Variants in NF1 observed in about 807,000 individuals in gnomAD.
NF1 encodes the protein neurofibromin.
Under a neutral mutation model 325.7 loss-of-function variants are expected in NF1, and 122 were observed. That is an observed-to-expected ratio of 0.37 (90% confidence interval 0.32 to 0.44). The LOEUF is 0.44. Ranked by LOEUF, NF1 falls within the 20% of genes least tolerant of loss-of-function variation. NF1 has a pLI of 1.00. For synonymous variants in NF1, 1,091 were observed against 1,186.0 expected, an observed-to-expected ratio of 0.92 and a Z score of 1.65; for missense variants, 2,140 against 3,415.4, an observed-to-expected ratio of 0.63 and a Z score of 9.31.
chr17:31,310,311 A>G (rs1032400283), intron 36 of NF1, among the ~76,000 whole-genome samples: 6 of 152,146 alleles, frequency 3.9e-5, no homozygotes, highest in East Asian at 1.9e-4. Context: ...AGGAAGGTCA[A>G]TTGACTAGAG....
chr17:31,271,522 C>T (rs923213647), intron 36 of NF1, among the ~76,000 whole-genome samples: 16 of 152,072 alleles, frequency 1.1e-4, no homozygotes, highest in Non-Finnish European at 1.5e-4. Flanking sequence ...GAAGCCAAGG[C>T]GGGTAGATCC....
At chr17:31,230,455 ATATGCGGT>A in intron 23 of NF1, 73 bp downstream of exon 23, 3 of 1,553,122 alleles carry the variant, frequency 1.9e-6, no homozygotes, top group Non-Finnish European at 2.7e-6. Context: ...AAAAGAGTAG[ATATGCGGT>A]TATTGGTAGA....
intron 57 of NF1, 74 bp downstream of exon 57, chr17:31,360,777 A>C (rs1258425589): frequency 1.4e-5 from 19 of 1,354,080 alleles, no homozygotes; most frequent in Non-Finnish European, 2.0e-5. Context: ...CCTTGTGATC[A>C]GTTTATAGCA....
At chr17:31,170,847 TG>T (rs1196637246) in intron 5 of NF1, among the ~76,000 whole-genome samples, 1 of 152,180 alleles carries the variant, frequency 6.6e-6, no homozygotes, top group East Asian at 1.9e-4. Flanking sequence ...TACAAAAAAA[TG>T]TTTTTTAGTT....
rs17880488 is a variant in NF1, at chr17:31,181,118, C to T, written c.587-304C>T. ...GAGAGGACACAAATGGAAAACAATT[C>T]CATGCTCATGGATAGGAGGAACCAA... is the stretch of plus-strand genomic sequence containing the variant. On this transcript the variant is annotated intron_variant, in intron 5 of 57. Coordinates refer to ENST00000358273, the MANE Select transcript of NF1 (RefSeq NM_001042492.3). 6.8e-3 allele frequency among the ~76,000 whole-genome samples: 1,030 copies of T among 152,270 alleles called. 17 individuals are homozygous for T. Among genetic ancestry groups the T allele is most frequent in the African/African-American group, 0.023 (965 of 41,546 alleles).
intron 57 of NF1, among the ~76,000 whole-genome samples, chr17:31,365,831 T>C (rs910424892): frequency 6.6e-6 from 1 of 152,186 alleles, no homozygotes; most frequent in Non-Finnish European, 1.5e-5. Flanking sequence ...AAAGGGACAT[T>C]TGTGTGGAAG....
intron 4 of NF1, among the ~76,000 whole-genome samples, chr17:31,164,771 A>AT (rs915877955): frequency 2.0e-5 from 3 of 152,172 alleles, no homozygotes; most frequent in Non-Finnish European, 4.4e-5. Context: ...AGGCAGCAAT[A>AT]TTTTTCAACC....
intron 1 of NF1, among the ~76,000 whole-genome samples, chr17:31,151,034 C>CAA (rs111746465): frequency 2.7e-4 from 22 of 80,064 alleles, no homozygotes; most frequent in African/African-American, 8.0e-4. Flanking sequence ...GGCTCTGTCT[C>CAA]AAAAAAAAAA....
intron 16 of NF1, among the ~76,000 whole-genome samples, chr17:31,224,882 T>G (rs947155867): frequency 6.6e-6 from 1 of 152,188 alleles, no homozygotes; most frequent in African/African-American, 2.4e-5. Context: ...TTTCTGATGA[T>G]TTAGAGAATG....
chr17:31,159,097 A>C lies in NF1; in HGVS notation c.288+4A>C, dbSNP rs781459468. 1 of 1,586,428 alleles carries C rather than the reference A, an allele frequency of 6.3e-7. No homozygotes were observed. The highest frequency in any genetic ancestry group is 8.7e-7 in the Non-Finnish European group (1 of 1,155,160). On this transcript the variant is annotated splice_donor_region_variant and intron_variant, in intron 3 of 57. Transcript: ENST00000358273. ...ACTGGAAAAATGTCTTGCTGGGGTAAGTAAATTGATCTTAAGTAGGCAGGC... is the reference window on the plus strand; with the variant it reads ...ACTGGAAAAATGTCTTGCTGGGGTACGTAAATTGATCTTAAGTAGGCAGGC...
intron 36 of NF1, among the ~76,000 whole-genome samples, chr17:31,308,566 T>G (rs1459705536): frequency 2.0e-5 from 3 of 152,218 alleles, no homozygotes; most frequent in East Asian, 3.8e-4. Flanking sequence ...TTGCATACTT[T>G]CTAAACACAC....
chr17:31,278,338 T>G (rs991097200), intron 36 of NF1: 24 of 151,324 alleles, frequency 1.6e-4, no homozygotes, highest in African/African-American at 3.1e-4. Flanking sequence ...AGTTTTAATA[T>G]TTTACTTTAG....
chr17:31,175,074 C>G (rs917293945), intron 5 of NF1, among the ~76,000 whole-genome samples: 1 of 132,178 alleles, frequency 7.6e-6, no homozygotes, highest in Non-Finnish European at 1.6e-5. Context: ...TGCCATTGCA[C>G]TCCAGCCTGA....
At chr17:31,322,223 A>G (rs560930581) in intron 36 of NF1, among the ~76,000 whole-genome samples, 14 of 152,070 alleles carry the variant, frequency 9.2e-5, no homozygotes, top group Non-Finnish European at 1.9e-4. Context: ...TCACACCTGT[A>G]ATCCCAGCAC....
rs370179525 is a variant in NF1 at position 31,235,875 on chromosome 17, T to C, written c.3871-43T>C. On this transcript the variant is annotated intron_variant, in intron 28 of 57. Coordinates refer to ENST00000358273, the MANE Select transcript of NF1 (RefSeq NM_001042492.3). ...GATTGTCTTCTTTTAAGGTAAAATATATGGAGCAGGTATAATAAACTCCTA... is the reference window on the plus strand; with the variant it reads ...GATTGTCTTCTTTTAAGGTAAAATACATGGAGCAGGTATAATAAACTCCTA... 2.9e-4 allele frequency: 464 copies of C among 1,608,628 alleles called. 2 individuals carry two copies. The highest frequency in any genetic ancestry group is 8.3e-4 in the Middle Eastern group (5 of 6,052).
intron 8 of NF1, among the ~76,000 whole-genome samples, chr17:31,200,161 G>T (rs966650225): frequency 1.3e-5 from 2 of 150,728 alleles, no homozygotes; most frequent in Non-Finnish European, 3.0e-5. Flanking sequence ...AAGAAGTTCA[G>T]AAAACAGCTT....
chr17:31,172,410 T>C (rs2143722431), intron 5 of NF1, among the ~76,000 whole-genome samples: 1 of 152,302 alleles, frequency 6.6e-6, no homozygotes, highest in East Asian at 1.9e-4. Context: ...TGTATATAGA[T>C]ATATCAATCG....
In NF1 at chr17:31,232,553, C is replaced by T. The variant is rs2067130651; in HGVS notation, c.3315-147C>T. ...CAACATAGCACACTTCATAATAAGCCACCCTGGCTGATTATCGCGAGAGAG... is the reference window on the plus strand; with the variant it reads ...CAACATAGCACACTTCATAATAAGCTACCCTGGCTGATTATCGCGAGAGAG... On this transcript the variant is annotated intron_variant, in intron 25 of 57. Coordinates refer to ENST00000358273, the MANE Select transcript of NF1 (RefSeq NM_001042492.3). 3 of 771,072 alleles carry T rather than the reference C, an allele frequency of 3.9e-6. No individual in the cohort carries two copies. The Middle Eastern group carries it at 1.1e-3, about 274-fold the overall frequency. 47.8% of individuals were successfully genotyped at this position (771,072 alleles called of 1,614,324 possible).
intron 29 of NF1, among the ~76,000 whole-genome samples, chr17:31,236,817 A>G (rs572122906): frequency 6.6e-6 from 1 of 152,178 alleles, no homozygotes; most frequent in Non-Finnish European, 1.5e-5. Flanking sequence ...CTACCCACGA[A>G]CAAAGAAATA....
Sources: allele counts gnomAD v4.1 joint callset (sites outside exome capture counted in the v4.1 genomes callset), GRCh38; gene constraint gnomAD v4.1.1; transcripts MANE v1.5; gene names NCBI Gene and HGNC (gene_info 2026-07-23, HGNC 2026-07-21).